SIPA1L3: variants seen among roughly 807,000 people sequenced by gnomAD.
SIPA1L3 encodes signal induced proliferation associated 1 like 3, also known as signal-induced proliferation-associated 1-like protein 3.
SIPA1L3 carries 59 observed loss-of-function variants against 150.1 expected under a neutral mutation model. That is an observed-to-expected ratio of 0.39 (90% CI 0.32 to 0.49). The LOEUF (loss-of-function observed/expected upper bound fraction) is 0.49. Ranked by LOEUF, SIPA1L3 falls within the 20% of genes least tolerant of loss-of-function variation. The pLI, the probability that SIPA1L3 is intolerant of heterozygous loss-of-function variation, is 0.86. For synonymous variants in SIPA1L3, 1,070 were observed against 1,077.6 expected, an observed-to-expected ratio of 0.99 and a Z score of 0.14; for missense variants, 2,211 against 2,489.5, an observed-to-expected ratio of 0.89 and a Z score of 2.38.
Position 38,119,524 on chromosome 19 carries a change from C to A in SIPA1L3, c.2510C>A (p.Pro837His). The A allele has an allele frequency of 1.2e-6, 2 of 1,614,188 alleles. No homozygotes were observed. Among genetic ancestry groups the A allele is most frequent in the Non-Finnish European group, 1.7e-6 (2 of 1,180,030 alleles). ...DLAENCVSNT[P>H]IDSTGKFNLI... ...GCCGAAAACTGTGTCTCCAACACCC[C>A]CATCGACTCCACCGGCAAATTCAAC... Residue 837 changes from proline (P) to histidine (H), a missense_variant, in exon 9 of 22, where the codon CCC (proline) becomes CAC (histidine). Pro to His is a moderately conservative substitution (Grantham distance 77). This residue lies in a region of SIPA1L3 where 625 missense variants were observed against 804.2 expected (regional missense o/e 0.78). Coordinates refer to ENST00000222345, the MANE Select transcript of SIPA1L3 (RefSeq NM_015073.3).
intron 15 of SIPA1L3, among the ~76,000 whole-genome samples, chr19:38,175,443 T>C (rs754223286): frequency 2.0e-5 from 3 of 152,046 alleles, no homozygotes; most frequent in Non-Finnish European, 2.9e-5. Context: ...CAGCCTCTGG[T>C]TTTTCAGCTT....
At chr19:38,119,952 TC>T in intron 9 of SIPA1L3, 70 bp downstream of exon 9, 1 of 1,093,134 alleles carries the variant, frequency 9.1e-7, no homozygotes, top group Non-Finnish European at 1.3e-6. Context: ...CTGAAATACT[TC>T]CCTAGCCCAG....
At chr19:38,183,429 T>C (rs757811581) in intron 16 of SIPA1L3, among the ~76,000 whole-genome samples, 5 of 151,844 alleles carry the variant, frequency 3.3e-5, no homozygotes, top group Non-Finnish European at 7.4e-5. Flanking sequence ...CCGGGCTTGC[T>C]GGCAGGGTGG....
At chr19:37,996,917 G>A (rs1270782439) in intron 1 of SIPA1L3, among the ~76,000 whole-genome samples, 2 of 151,822 alleles carry the variant, frequency 1.3e-5, no homozygotes, top group African/African-American at 4.8e-5. Context: ...GGCTGGTCTC[G>A]AACTCCTGAC....
chr19:38,152,387 C>T (rs906093502), intron 12 of SIPA1L3, among the ~76,000 whole-genome samples: 6 of 152,198 alleles, frequency 3.9e-5, no homozygotes, highest in African/African-American at 1.4e-4. Context: ...CTTTGAAGCC[C>T]CAGTTGCCCA....
chr19:38,082,375 C>G lies in SIPA1L3; in HGVS notation c.810C>G (p.Ser270Arg). 1.3e-6 allele frequency: 2 copies of G among 1,597,998 alleles called. No homozygotes were observed. Among genetic ancestry groups the G allele is most frequent in the Non-Finnish European group, 1.7e-6 (2 of 1,178,284 alleles). Reference sequence around the variant, plus strand: ...ACAACGGGCAGCCCGCCAAGGACAGCCTCCTGCCACTGCAGCCCACGAAGG... The same window carrying G: ...ACAACGGGCAGCCCGCCAAGGACAGGCTCCTGCCACTGCAGCCCACGAAGG... ...DSHNGQPAKD[S>R]LLPLQPTKEK... Residue 270 changes from serine (S) to arginine (R), a missense_variant, in exon 3 of 22, where the codon AGC (serine) becomes AGG (arginine). This residue lies in a region of SIPA1L3 where 587 missense variants were observed against 534.5 expected (regional missense o/e 1.10). Transcript: ENST00000222345.
chr19:37,957,826 C>G (rs2046824586), intron 1 of SIPA1L3, among the ~76,000 whole-genome samples: 1 of 152,112 alleles, frequency 6.6e-6, no homozygotes, highest in African/African-American at 2.4e-5. Flanking sequence ...ATCCTCTCAC[C>G]TTAGCTTCTG....
chr19:38,089,323 T>G (rs1970210037), intron 4 of SIPA1L3, among the ~76,000 whole-genome samples: 1 of 124,600 alleles, frequency 8.0e-6, no homozygotes, highest in Non-Finnish European at 1.6e-5. Context: ...GGTGAGACTG[T>G]GTCTCAAAAA....
intron 15 of SIPA1L3, among the ~76,000 whole-genome samples, chr19:38,176,580 G>T (rs559087823): frequency 5.9e-5 from 9 of 151,890 alleles, no homozygotes; most frequent in Non-Finnish European, 1.0e-4. Context: ...CTTTTATTCC[G>T]TACATGTTCC....
intron 13 of SIPA1L3, 109 bp downstream of exon 13, chr19:38,153,076 A>T (rs1291405807): frequency 7.2e-7 from 1 of 1,385,542 alleles, no homozygotes; most frequent in Non-Finnish European, 9.6e-7. Context: ...CGGATAAAAC[A>T]CAAAAGAAAG....
In SIPA1L3 at chr19:38,158,236, G is replaced by GA. The variant is rs199644866; in HGVS notation, c.3662-4008dup. Among the ~76,000 whole-genome samples the GA allele has an allele frequency of 8.7e-3, 1,312 of 151,130 alleles. 17 individuals are homozygous for GA. The highest frequency in any genetic ancestry group is 0.03 in the African/African-American group (1,220 of 41,264). ...CAACAGAGCAGTCTCTGTCTCAAAA[G>GA]AAAAAAAAAGTGGAAACTGTCACAG... On this transcript the variant is annotated intron_variant, in intron 13 of 21. Transcript: ENST00000222345.
intron 19 of SIPA1L3, 139 bp downstream of exon 19, chr19:38,198,671 C>A: frequency 1.2e-6 from 1 of 856,662 alleles, no homozygotes; most frequent in Non-Finnish European, 1.6e-6. Flanking sequence ...CCTGCCCCGT[C>A]ACTTGCTTAC....
At chr19:38,203,879 G>C in intron 20 of SIPA1L3, 1 of 524,652 alleles carries the variant, frequency 1.9e-6, no homozygotes, top group South Asian at 2.4e-5. Context: ...CACACTTAAG[G>C]GTGGGCAGCC....
In SIPA1L3 at chr19:38,081,561, G is replaced by T; in HGVS notation, c.-5G>T. On this transcript the variant is annotated 5_prime_UTR_variant, in exon 3 of 22. Transcript: ENST00000222345. ...GGGCCAGCAGCACTCCAGTGCCCGT[G>T]GACTATGACCACCTATCGGGCCATC... 1 of 1,572,890 alleles carries T rather than the reference G, an allele frequency of 6.4e-7. No homozygotes were observed. Among genetic ancestry groups the T allele is most frequent in the South Asian group, 1.2e-5 (1 of 86,336 alleles).
Position 38,082,428 on chromosome 19 carries a change from C to T in SIPA1L3, c.863C>T (p.Ala288Val), listed in dbSNP as rs150674546. Reference protein sequence around the residue: ...KEKEKARKKPARGLGGGDTVD... With the variant: ...KEKEKARKKPVRGLGGGDTVD... ...AAGGAGAAGGCCCGGAAGAAACCTG[C>T]GCGGGGCCTCGGCGGCGGGGACACG... The change falls in exon 3 of 22, where the codon GCG (alanine) becomes GTG (valine). Residue 288 changes from alanine (A) to valine (V), a missense_variant. Physicochemically the swap from Ala to Val is moderately conservative, Grantham distance 64. This residue lies in a region of SIPA1L3 where 587 missense variants were observed against 534.5 expected (regional missense o/e 1.10). Transcript: ENST00000222345. 0.013 allele frequency: 20,129 copies of T among 1,591,586 alleles called. 160 individuals are homozygous for T. Among genetic ancestry groups the T allele is most frequent in the Middle Eastern group, 0.022 (134 of 5,988 alleles).
chr19:38,081,734 G>A lies in SIPA1L3; in HGVS notation c.169G>A (p.Ala57Thr), dbSNP rs375968684. The A allele has an allele frequency of 1.1e-4, 175 of 1,588,382 alleles. 1 individual carries two copies. Among genetic ancestry groups the A allele is most frequent in the Middle Eastern group, 6.7e-4 (4 of 5,948 alleles). Residue 57 changes from alanine (A) to threonine (T), a missense_variant, in exon 3 of 22, where the codon GCC becomes ACC. Physicochemically the swap from Ala to Thr is moderately conservative, Grantham distance 58 (BLOSUM62 0). Around this residue, in one of 5 missense-constraint regions of SIPA1L3, gnomAD observed 130 missense variants for 174.5 expected, o/e 0.74. Coordinates refer to ENST00000222345, the MANE Select transcript of SIPA1L3 (RefSeq NM_015073.3). ...GCCTCTTGGCGAGAGCCCGGCCACC[G>A]CCACCGCCACCGCCACCGCCACCAC... The part of the protein sequence containing the change: ...SQPLGESPAT[A>T]TATATATTRP...
intron 18 of SIPA1L3, among the ~76,000 whole-genome samples, chr19:38,196,541 A>AGGAGGTCAAGGGCGGAGCGT (rs1972950204): frequency 1.4e-5 from 2 of 146,054 alleles, no homozygotes; most frequent in Non-Finnish European, 3.0e-5. Context: ...GGGCAGAGCA[A>AGGAGGTCAAGGGCGGAGCGT]GGAGGTCAAG....
intron 7 of SIPA1L3, chr19:38,109,443 A>G (rs56166457): frequency 0.15 from 22,867 of 152,192 alleles, 1,797 homozygotes; most frequent in African/African-American, 0.19. Context: ...GCAATTCAAG[A>G]TGAATTGTAG....
rs553198293 is a variant in SIPA1L3, at chr19:38,177,028, A to C, written c.4209-5491A>C. ...AAACAAACAAAAAACATGCCACTTA[A>C]CCCTTACCTTGCAAGAAATACAGTG... On this transcript the variant is annotated intron_variant, in intron 15 of 21. Coordinates refer to ENST00000222345, the MANE Select transcript of SIPA1L3 (RefSeq NM_015073.3). Among the ~76,000 whole-genome samples, 3 of 152,034 alleles carry C rather than the reference A, an allele frequency of 2.0e-5. No homozygotes were observed. In the South Asian group the frequency reaches 6.2e-4, roughly 32 times the overall value.
Sources: allele counts gnomAD v4.1 joint callset (sites outside exome capture counted in the v4.1 genomes callset), GRCh38; gene constraint gnomAD v4.1.1; regional missense constraint gnomAD v4.1.1; transcripts MANE v1.5; gene names NCBI Gene and HGNC (gene_info 2026-07-23, HGNC 2026-07-21).